TMEM267: variants seen among roughly 807,000 people sequenced by gnomAD.
The protein encoded by TMEM267 is transmembrane protein 267.
In TMEM267, 20 loss-of-function variants were observed where a neutral mutation model predicts 19.3. That is an observed-to-expected ratio of 1.04 (90% CI 0.73 to 1.51). The LOEUF (loss-of-function observed/expected upper bound fraction) is 1.51. Among genes scored for constraint, TMEM267 ranks in the 40% most tolerant of loss-of-function variants. TMEM267 has a pLI of 0.00. For synonymous variants in TMEM267, 88 were observed against 90.3 expected (o/e 0.97, Z 0.15); for missense variants, 242 against 261.9 (o/e 0.92, Z 0.52).
chr5:43,471,112 C>T (rs1343035308), intron 1 of TMEM267, among the ~76,000 whole-genome samples: 1 of 151,576 alleles, frequency 6.6e-6, no homozygotes, highest in Non-Finnish European at 1.5e-5. Context: ...GATACAAAAG[C>T]AACATACAAA....
Position 43,464,672 on chromosome 5 carries a change from C to A in TMEM267, c.-74-10629G>T, listed in dbSNP as rs1311912161. Among the ~76,000 whole-genome samples, 8 of 152,380 alleles carry A rather than the reference C, an allele frequency of 5.3e-5. No individual in the cohort carries two copies. The East Asian group carries it at 1.5e-3, about 29-fold the overall frequency. ...TGCCACATATCTACAACCATCTGAT[C>A]TTTGACAAACCTGACAAAAACAAGA... On this transcript the variant is annotated intron_variant, in intron 1 of 2. Coordinates refer to ENST00000397080, the MANE Select transcript of TMEM267 (RefSeq NM_022483.5).
rs763915505 is a variant in TMEM267, at chr5:43,453,970, GACAA to G, written c.-5_-2del. 72 of 1,611,240 alleles carry G rather than the reference GACAA, an allele frequency of 4.5e-5. No individual in the cohort carries two copies. In the South Asian group the frequency reaches 7.8e-4, roughly 17 times the overall value. ...GGGTCTTTTCAGTCTCGGATGCCAT[GACAA>G]ACAATATGTTAGTATAGACTAAAAG... On this transcript the variant is annotated 5_prime_UTR_variant, in exon 2 of 3. Transcript: ENST00000397080.
chr5:43,466,561 G>A (rs1309319730), intron 1 of TMEM267, among the ~76,000 whole-genome samples: 1 of 152,002 alleles, frequency 6.6e-6, no homozygotes, highest in Non-Finnish European at 1.5e-5. Context: ...ATAATTTGAA[G>A]GTACAAAACT....
rs781542455 is a variant in TMEM267, at chr5:43,446,386, G to C, written c.484C>G (p.Arg162Gly). 1.2e-6 allele frequency: 2 copies of C among 1,613,936 alleles called. No individual in the cohort carries two copies. The highest frequency in any genetic ancestry group is 1.7e-6 in the Non-Finnish European group (2 of 1,179,978). Reference protein sequence around the residue: ...WTSHHIRDGIRHGLWICPFGK... With the variant: ...WTSHHIRDGIGHGLWICPFGK... ...AATGGGCATATCCACAAACCATGAC[G>C]AATCCCATCTCGGATATGATGTGAA... Residue 162 changes from arginine (R) to glycine (G), a missense_variant, in exon 3 of 3, where the codon CGT becomes GGT. Arg to Gly is a moderately radical substitution (Grantham distance 125, BLOSUM62 -2). Coordinates refer to ENST00000397080, the MANE Select transcript of TMEM267 (RefSeq NM_022483.5).
intron 1 of TMEM267, among the ~76,000 whole-genome samples, chr5:43,465,163 T>A (rs1211355522): frequency 6.6e-6 from 1 of 152,110 alleles, no homozygotes; most frequent in Non-Finnish European, 1.5e-5. Flanking sequence ...AACAGACCCT[T>A]CTCAAAAGAA....
In TMEM267 at chr5:43,446,575, T is replaced by C. The variant is rs375909375; in HGVS notation, c.313-18A>G. 6.6e-7 allele frequency: 1 copy of C among 1,508,464 alleles called. No homozygotes were observed. Among genetic ancestry groups the C allele is most frequent in the African/African-American group, 1.4e-5 (1 of 71,532 alleles). The allele number at this position is 1,508,464 out of a possible 1,614,324, so 93.4% of individuals were successfully genotyped here. A position where few individuals can be genotyped will look rare whatever the true frequency, so the allele number is the denominator to read the frequency against. On this transcript the variant is annotated intron_variant, in intron 2 of 2. Transcript: ENST00000397080. ...AAAGCAGCCTGAGGGAGCAAAGTAA[T>C]AGCGAGTATCATTTCCTTTCTAGCA... is the stretch of plus-strand genomic sequence containing the variant.
chr5:43,480,697 A>T lies in TMEM267; in HGVS notation c.-75+3125T>A, dbSNP rs377681592. Among the ~76,000 whole-genome samples the T allele has an allele frequency of 7.9e-5, 12 of 151,880 alleles. No individual in the cohort carries two copies. In the East Asian group the frequency reaches 2.3e-3, roughly 29 times the overall value. ...AAAAGCCAATATCCACTTAACTGCA[A>T]ATTTCATGATGTCCTTATAAAGCCA... On this transcript the variant is annotated intron_variant, in intron 1 of 2. Transcript: ENST00000397080.
intron 1 of TMEM267, among the ~76,000 whole-genome samples, chr5:43,477,594 A>G (rs1267776396): frequency 6.6e-6 from 1 of 150,422 alleles, no homozygotes; most frequent in African/African-American, 2.4e-5. Context: ...CCGTCTCAAA[A>G]AAAAAAAAAA....
chr5:43,454,134 C>T, intron 1 of TMEM267, 91 bp from the exon 2 acceptor site: 1 of 879,152 alleles, frequency 1.1e-6, no homozygotes, highest in Non-Finnish European at 1.6e-6. Context: ...ATTTCACAAA[C>T]ATAAAACCAA....
intron 2 of TMEM267, among the ~76,000 whole-genome samples, chr5:43,447,717 A>G (rs1180330451): frequency 6.6e-6 from 1 of 152,200 alleles, no homozygotes. Flanking sequence ...CATAAACACC[A>G]AATCAGTGGG....
At chr5:43,462,402 C>G (rs1320301439) in intron 1 of TMEM267, among the ~76,000 whole-genome samples, 2 of 152,090 alleles carry the variant, frequency 1.3e-5, no homozygotes, top group African/African-American at 2.4e-5. Flanking sequence ...AGCATCAACA[C>G]CATCCAGGAA....
intron 1 of TMEM267, among the ~76,000 whole-genome samples, chr5:43,461,406 A>C (rs1313434155): frequency 6.6e-6 from 1 of 152,146 alleles, no homozygotes; most frequent in Non-Finnish European, 1.5e-5. Context: ...ACAAAAGCAG[A>C]GAGAAAACTA....
intron 2 of TMEM267, among the ~76,000 whole-genome samples, chr5:43,448,780 A>G (rs1742402550): frequency 6.7e-6 from 1 of 150,076 alleles, no homozygotes; most frequent in South Asian, 2.1e-4. Flanking sequence ...CTGTCTAAAA[A>G]ACAACCCCCC....
At chr5:43,449,963 T>C (rs903566798) in intron 2 of TMEM267, among the ~76,000 whole-genome samples, 1 of 152,128 alleles carries the variant, frequency 6.6e-6, no homozygotes, top group African/African-American at 2.4e-5. Flanking sequence ...TGTTGTTGGC[T>C]GATGTCTAAA....
At chr5:43,449,504 C>T (rs1396924489) in intron 2 of TMEM267, among the ~76,000 whole-genome samples, 1 of 152,052 alleles carries the variant, frequency 6.6e-6, no homozygotes, top group African/African-American at 2.4e-5. Context: ...TAAAAGAGCC[C>T]ATCTGAAAAA....
At chr5:43,462,730 A>C (rs1743343618) in intron 1 of TMEM267, among the ~76,000 whole-genome samples, 1 of 152,184 alleles carries the variant, frequency 6.6e-6, no homozygotes. Flanking sequence ...TTGAAAATAC[A>C]GTCAGAGGAG....
chr5:43,483,584 G>A (rs1336402691), intron 1 of TMEM267, among the ~76,000 whole-genome samples: 1 of 152,178 alleles, frequency 6.6e-6, no homozygotes, highest in Admixed American at 6.5e-5. Flanking sequence ...GGCGGCGCCA[G>A]GGCTCCTCGC....
At chr5:43,479,326 C>T (rs111813244) in intron 1 of TMEM267, among the ~76,000 whole-genome samples, 3,313 of 151,856 alleles carry the variant, frequency 0.022, 131 homozygotes, top group African/African-American at 0.076. Context: ...GGTGGGCTTA[C>T]AAATGTAATC....
intron 1 of TMEM267, 110 bp downstream of exon 1, chr5:43,483,712 C>G (rs1744953499): frequency 6.6e-6 from 1 of 152,358 alleles, no homozygotes; most frequent in African/African-American, 2.4e-5. Context: ...ACCCTCCAGA[C>G]ATCAGACTCA....
Sources: gnomAD v4.1 joint callset for allele counts (sites outside exome capture counted in the v4.1 genomes callset) on GRCh38, gnomAD v4.1.1 for gene constraint, MANE v1.5 for transcripts, NCBI Gene and HGNC (gene_info 2026-07-23, HGNC 2026-07-21) for gene names.